Variants in CHST8 observed in about 807,000 individuals in gnomAD.
CHST8 encodes GALNAC-4-ST1.
Under a neutral mutation model 15.0 loss-of-function variants are expected in CHST8, and 10 were observed. The ratio of observed to expected loss-of-function variants is 0.67; its 90% CI spans 0.41 to 1.13. The LOEUF (loss-of-function observed/expected upper bound fraction) is 1.13. CHST8 is among the 50% of genes most tolerant of loss of function. CHST8 has a pLI of 0.00. For synonymous variants in CHST8, 259 were observed against 256.6 expected, an observed-to-expected ratio of 1.01 and a Z score of -0.09; for missense variants, 634 against 608.2, an observed-to-expected ratio of 1.04 and a Z score of -0.45.
Position 33,689,313 on chromosome 19 carries a change from C to G in CHST8, c.52C>G (p.Leu18Val). The G allele has an allele frequency of 6.2e-7, 1 of 1,609,858 alleles. No homozygotes were observed. Among genetic ancestry groups the G allele is most frequent in the Non-Finnish European group, 8.5e-7 (1 of 1,178,608 alleles). ...GCTGGCCTGCATGTTCTCTTCCATC[C>G]TGCTGTTCGGAGCTGCAGGCCTCCT... ...MRLACMFSSI[L>V]LFGAAGLLLF... The change falls in exon 3 of 5, where the codon CTG becomes GTG. Residue 18 changes from leucine to valine, a missense_variant. Transcript: ENST00000650847.
At chr19:33,671,018 T>C (rs2145232072) in intron 2 of CHST8, among the ~76,000 whole-genome samples, 1 of 152,312 alleles carries the variant, frequency 6.6e-6, no homozygotes, top group South Asian at 2.1e-4. Flanking sequence ...TCCAGCCTCC[T>C]TCTCCCAGTC....
At chr19:33,753,177 G>A (rs1367093628) in intron 3 of CHST8, among the ~76,000 whole-genome samples, 2 of 151,970 alleles carry the variant, frequency 1.3e-5, no homozygotes, top group Non-Finnish European at 2.9e-5. Flanking sequence ...CACAGCCAGA[G>A]CCTGCACCTT....
At chr19:33,748,931 G>A (rs571137838) in intron 3 of CHST8, among the ~76,000 whole-genome samples, 2 of 152,288 alleles carry the variant, frequency 1.3e-5, no homozygotes, top group South Asian at 2.1e-4. Flanking sequence ...CTCACTCGGA[G>A]GAGAGCCTCA....
chr19:33,662,224 C>T (rs544967521), intron 1 of CHST8, among the ~76,000 whole-genome samples: 13 of 152,194 alleles, frequency 8.5e-5, no homozygotes, highest in South Asian at 8.3e-4. Flanking sequence ...GACTAAGACG[C>T]GCGCCACCAT....
Position 33,731,422 on chromosome 19 carries a change from T to G in CHST8, c.131-39991T>G, listed in dbSNP as rs117658851. ...TGGCATCTGTAAACTGTCACGGCAC[T>G]GGTGGGAGTGTTTCTTAGCATGCTA... On this transcript the variant is annotated intron_variant, in intron 3 of 4. Transcript: ENST00000650847. Among the ~76,000 whole-genome samples the G allele has an allele frequency of 1.5e-4, 23 of 152,258 alleles. No homozygotes were observed. The East Asian group carries it at 4.1e-3, about 27-fold the overall frequency.
chr19:33,644,948 G>A (rs1972330896), intron 1 of CHST8, among the ~76,000 whole-genome samples: 1 of 152,168 alleles, frequency 6.6e-6, no homozygotes, highest in African/African-American at 2.4e-5. Context: ...CAGCCTGGGC[G>A]ATTGTATTCC....
intron 1 of CHST8, among the ~76,000 whole-genome samples, chr19:33,649,643 G>A (rs1972408574): frequency 6.6e-6 from 1 of 152,188 alleles, no homozygotes; most frequent in Admixed American, 6.5e-5. Context: ...TTTACCTTAG[G>A]TAGCAGACTT....
At chr19:33,727,948 G>C (rs991435976) in intron 3 of CHST8, among the ~76,000 whole-genome samples, 1 of 152,144 alleles carries the variant, frequency 6.6e-6, no homozygotes, top group Non-Finnish European at 1.5e-5. Context: ...GCCCAGCCCC[G>C]GCCCACACTC....
In CHST8 at chr19:33,673,125, G is replaced by A. The variant is rs566673604; in HGVS notation, c.-87+5282G>A. Among the ~76,000 whole-genome samples, 617 of 152,254 alleles carry A rather than the reference G, an allele frequency of 4.1e-3. 1 individual carries two copies. Among genetic ancestry groups the A allele is most frequent in the African/African-American group, 0.014 (575 of 41,548 alleles). On this transcript the variant is annotated intron_variant, in intron 2 of 4. Coordinates refer to ENST00000650847, the MANE Select transcript of CHST8 (RefSeq NM_001127895.2). ...GCCCAGGGCTGTGTGGTCCGTGGGC[G>A]AGGTGAGCTGGCCAATGTCCGGGTG...
rs968820672 is a variant in CHST8 at position 33,762,456 on chromosome 19, A to C, written c.131-8957A>C. On this transcript the variant is annotated intron_variant, in intron 3 of 4. Coordinates refer to ENST00000650847, the MANE Select transcript of CHST8 (RefSeq NM_001127895.2). The stretch of plus-strand genomic sequence containing the variant: ...CAGGAACCACCCAGCTGAATCGTGG[A>C]TCCTAATCACTAAGGCGAGGGAACA... Among the ~76,000 whole-genome samples the C allele has an allele frequency of 3.3e-5, 5 of 152,390 alleles. No individual in the cohort carries two copies. In the South Asian group the frequency reaches 1.0e-3, roughly 32 times the overall value.
intron 1 of CHST8, among the ~76,000 whole-genome samples, chr19:33,633,383 G>GC (rs1972148981): frequency 6.6e-6 from 1 of 152,076 alleles, no homozygotes; most frequent in East Asian, 1.9e-4. Flanking sequence ...GTCTCTTAGT[G>GC]ATATGTACAC....
Position 33,649,174 on chromosome 19 carries a change from G to A in CHST8, c.-163-18593G>A, listed in dbSNP as rs1006071808. On this transcript the variant is annotated intron_variant, in intron 1 of 4. Transcript: ENST00000650847. ...CCACCTCAGCCTCCCAAAGTGCTGG[G>A]ATTACAGACAGGAGCCACTGTGCCC... is the stretch of plus-strand genomic sequence containing the variant. Among the ~76,000 whole-genome samples the A allele has an allele frequency of 2.6e-5, 4 of 152,088 alleles. No homozygotes were observed. The South Asian group carries it at 8.3e-4, about 32-fold the overall frequency.
chr19:33,699,385 C>T (rs1307620364), intron 3 of CHST8, among the ~76,000 whole-genome samples: 2 of 152,120 alleles, frequency 1.3e-5, no homozygotes, highest in Admixed American at 6.5e-5. Flanking sequence ...CCTGGCTCAG[C>T]GGCGCCTGGG....
At chr19:33,636,227 A>T (rs557341731) in intron 1 of CHST8, among the ~76,000 whole-genome samples, 1 of 152,266 alleles carries the variant, frequency 6.6e-6, no homozygotes, top group South Asian at 2.1e-4. Flanking sequence ...GCGCCAATTT[A>T]CTGCCAAACC....
chr19:33,690,501 C>G (rs534444220), intron 3 of CHST8, among the ~76,000 whole-genome samples: 11 of 152,272 alleles, frequency 7.2e-5, no homozygotes, highest in Non-Finnish European at 1.3e-4. Context: ...GTGAAAAGAG[C>G]ACAAGGAGGC....
At chr19:33,707,944 G>A (rs578026368) in intron 3 of CHST8, among the ~76,000 whole-genome samples, 2 of 152,120 alleles carry the variant, frequency 1.3e-5, no homozygotes, top group Non-Finnish European at 2.9e-5. Context: ...TTTAATTATA[G>A]CTATTCTAGT....
chr19:33,680,854 C>T (rs969086552), intron 2 of CHST8, among the ~76,000 whole-genome samples: 11 of 152,110 alleles, frequency 7.2e-5, no homozygotes, highest in Non-Finnish European at 1.5e-4. Flanking sequence ...AGCTGAAAGG[C>T]CAGTCACTTT....
intron 1 of CHST8, among the ~76,000 whole-genome samples, chr19:33,664,272 TTTTATTTA>T (rs981421388): frequency 1.3e-5 from 2 of 152,006 alleles, no homozygotes; most frequent in East Asian, 1.9e-4. Context: ...GGATTTTCTT[TTTTATTTA>T]TTTATTTATT....
intron 3 of CHST8, among the ~76,000 whole-genome samples, chr19:33,719,020 C>T (rs191848670): frequency 3.3e-5 from 5 of 152,222 alleles, no homozygotes; most frequent in East Asian, 3.9e-4. Context: ...GGCTTCCACC[C>T]GAGACCTGGG....
Sources: allele counts gnomAD v4.1 joint callset (sites outside exome capture counted in the v4.1 genomes callset), GRCh38; gene constraint gnomAD v4.1.1; transcripts MANE v1.5; gene names NCBI Gene and HGNC (gene_info 2026-07-23, HGNC 2026-07-21).